Variants in GRID2 observed in about 807,000 individuals in gnomAD.
GRID2 encodes the protein glutamate receptor ionotropic, delta-2.
A neutral mutation model predicts 114.8 loss-of-function variants in GRID2; 33 were observed. The observed-to-expected ratio is 0.29, with a 90% CI of 0.22 to 0.38. GRID2 has a LOEUF of 0.38. Ranked by LOEUF, GRID2 falls within the 10% of genes least tolerant of loss-of-function variation. The pLI, the probability that GRID2 is intolerant of heterozygous loss-of-function variation, is 1.00. For missense variants in GRID2, 1,184 were observed against 1,257.7 expected, an observed-to-expected ratio of 0.94 and a Z score of 0.89; for synonymous variants, 505 against 449.9, an observed-to-expected ratio of 1.12 and a Z score of -1.55.
rs191801680 is a variant in GRID2 at position 92,428,877 on chromosome 4, A to T, written c.88+124133A>T. Among the ~76,000 whole-genome samples the T allele has an allele frequency of 5.4e-3, 828 of 152,066 alleles. 5 individuals carry two copies. Among genetic ancestry groups the T allele is most frequent in the Non-Finnish European group, 9.7e-3 (661 of 67,972 alleles). ...TACATGTTCCACAAACATTTTTTTT[A>T]AATTATACTTTAAGTTCTGGGATAC... On this transcript the variant is annotated intron_variant, in intron 1 of 15. Transcript: ENST00000282020.
chr4:93,081,710 A>G (rs759951089), intron 2 of GRID2, among the ~76,000 whole-genome samples: 2 of 152,182 alleles, frequency 1.3e-5, no homozygotes, highest in Non-Finnish European at 1.5e-5. Context: ...GAACTATGCC[A>G]TTGAGATGTC....
intron 2 of GRID2, among the ~76,000 whole-genome samples, chr4:92,812,758 A>G (rs981621731): frequency 3.3e-5 from 5 of 152,246 alleles, no homozygotes; most frequent in South Asian, 2.1e-4. Flanking sequence ...GAAAGTGTCT[A>G]TAATTCTGGC....
intron 2 of GRID2, among the ~76,000 whole-genome samples, chr4:92,693,914 A>T (rs1232342074): frequency 6.6e-6 from 1 of 152,166 alleles, no homozygotes; most frequent in Non-Finnish European, 1.5e-5. Flanking sequence ...GTGTGAAAAT[A>T]TTTTTTTAAC....
intron 14 of GRID2, among the ~76,000 whole-genome samples, chr4:93,663,377 AT>A (rs1723670136): frequency 6.6e-6 from 1 of 152,228 alleles, no homozygotes; most frequent in Non-Finnish European, 1.5e-5. Context: ...TGAGAGTCAC[AT>A]TTTGGCTGCC....
chr4:92,449,674 CTGATATATAT>C (rs891563722), intron 1 of GRID2, among the ~76,000 whole-genome samples: 1 of 52,798 alleles, frequency 1.9e-5, no homozygotes, highest in African/African-American at 8.1e-5. Flanking sequence ...TCTTTTCTTA[CTGATATATAT>C]ATATATATAT....
At chr4:93,257,875 T>C (rs1046910871) in intron 8 of GRID2, among the ~76,000 whole-genome samples, 1 of 151,212 alleles carries the variant, frequency 6.6e-6, no homozygotes, top group Non-Finnish European at 1.5e-5. Flanking sequence ...TCACTGCTTA[T>C]TGCTGAATAA....
At chr4:93,413,980 C>T (rs1002179425) in intron 9 of GRID2, among the ~76,000 whole-genome samples, 1 of 152,094 alleles carries the variant, frequency 6.6e-6, no homozygotes, top group Non-Finnish European at 1.5e-5. Context: ...TATTATGACA[C>T]ATACTCCAAC....
At chr4:93,795,376 G>T (rs57008220) in intron 1 of GRID2, among the ~76,000 whole-genome samples, 1,548 of 151,758 alleles carry the variant, frequency 0.01, 34 homozygotes, top group African/African-American at 0.035. Flanking sequence ...ATTTTAAAAA[G>T]GAATCATATA....
At chr4:93,580,881 A>T (rs1469180056) in intron 13 of GRID2, among the ~76,000 whole-genome samples, 1 of 148,468 alleles carries the variant, frequency 6.7e-6, no homozygotes, top group African/African-American at 2.5e-5. Context: ...TTGTCATTAT[A>T]TATATATATA....
intron 13 of GRID2, among the ~76,000 whole-genome samples, chr4:93,616,223 G>A (rs1266505105): frequency 6.6e-6 from 1 of 152,082 alleles, no homozygotes; most frequent in Non-Finnish European, 1.5e-5. Context: ...TTGCAGGTAA[G>A]ATCTTTTAAT....
intron 4 of GRID2, among the ~76,000 whole-genome samples, chr4:93,200,348 C>T (rs887958449): frequency 2.6e-5 from 4 of 152,068 alleles, no homozygotes; most frequent in South Asian, 2.1e-4. Context: ...GGGCGGATCA[C>T]GAGGTCAGGA....
chr4:92,708,756 G>A (rs181833123), intron 2 of GRID2, among the ~76,000 whole-genome samples: 11 of 152,160 alleles, frequency 7.2e-5, no homozygotes, highest in African/African-American at 2.4e-4. Flanking sequence ...GTGAAATCCC[G>A]TTTCTACTAA....
intron 14 of GRID2, among the ~76,000 whole-genome samples, chr4:93,674,284 C>T (rs1240672353): frequency 6.6e-6 from 1 of 152,092 alleles, no homozygotes; most frequent in Non-Finnish European, 1.5e-5. Flanking sequence ...GTTAAAAATC[C>T]ATCACTACTA....
chr4:92,316,019 A>C (rs1297322715), intron 1 of GRID2, among the ~76,000 whole-genome samples: 2 of 151,202 alleles, frequency 1.3e-5, no homozygotes, highest in Non-Finnish European at 3.0e-5. Flanking sequence ...AAAAAAGAAA[A>C]GAGAACCCGT....
At chr4:92,940,346 C>T (rs993817749) in intron 2 of GRID2, among the ~76,000 whole-genome samples, 1 of 146,780 alleles carries the variant, frequency 6.8e-6, no homozygotes, top group Non-Finnish European at 1.5e-5. Context: ...TGGGAGTTCA[C>T]TCATAATTTG....
rs902368586 is a variant in GRID2, at chr4:93,557,403, C to A, written c.2193+41992C>A. On this transcript the variant is annotated intron_variant, in intron 13 of 15. Coordinates refer to ENST00000282020, the MANE Select transcript of GRID2 (RefSeq NM_001510.4). ...AAGGGATGGAGGAATATTTACCAAG[C>A]AAATGGAAAGAAAAAGAAAGCAGGG... is the stretch of plus-strand genomic sequence containing the variant. Among the ~76,000 whole-genome samples the A allele has an allele frequency of 6.6e-5, 10 of 152,120 alleles. No individual in the cohort carries two copies. In the South Asian group the frequency reaches 1.0e-3, roughly 16 times the overall value.
intron 1 of GRID2, among the ~76,000 whole-genome samples, chr4:93,800,701 G>A (rs915258559): frequency 6.6e-6 from 1 of 152,104 alleles, no homozygotes; most frequent in African/African-American, 2.4e-5. Flanking sequence ...AGAAATTTAA[G>A]AGACATTATA....
At chr4:93,579,777 G>T (rs1343771276) in intron 13 of GRID2, among the ~76,000 whole-genome samples, 1 of 152,150 alleles carries the variant, frequency 6.6e-6, no homozygotes, top group Admixed American at 6.5e-5. Context: ...TGGCCCTAAA[G>T]AGAGTCCACA....
intron 8 of GRID2, among the ~76,000 whole-genome samples, chr4:93,376,513 A>G (rs1905708): frequency 0.2 from 30,884 of 152,108 alleles, 6,201 homozygotes; most frequent in African/African-American, 0.52. Flanking sequence ...TGGAGAACCC[A>G]TAAATAAAGC....
Sources: allele counts gnomAD v4.1 joint callset (sites outside exome capture counted in the v4.1 genomes callset), GRCh38; gene constraint gnomAD v4.1.1; transcripts MANE v1.5; gene names NCBI Gene and HGNC (gene_info 2026-07-23, HGNC 2026-07-21).